The following RUNX2 variants were observed in gnomAD, a reference collection of about 807,000 sequenced individuals.
RUNX2 encodes the protein runt-related transcription factor 2.
RUNX2 carries 10 observed loss-of-function variants against 51.7 expected under a neutral mutation model. That is an observed-to-expected ratio of 0.19 (90% confidence interval 0.12 to 0.33). RUNX2 has a LOEUF of 0.33. Among genes scored for constraint, RUNX2 ranks in the 10% least tolerant of loss-of-function variants. The pLI is 1.00. For missense variants in RUNX2, 562 were observed against 691.3 expected (o/e 0.81, Z 2.10); for synonymous variants, 276 against 273.6 (o/e 1.01, Z -0.09).
At chr6:45,452,152 T>C (rs1054659262) in intron 5 of RUNX2, among the ~76,000 whole-genome samples, 1 of 152,258 alleles carries the variant, frequency 6.6e-6, no homozygotes, top group Non-Finnish European at 1.5e-5. Flanking sequence ...GGGGGCTTTA[T>C]GAAATTGATT....
chr6:45,468,300 T>TC (rs1799697282), intron 5 of RUNX2, among the ~76,000 whole-genome samples: 1 of 152,208 alleles, frequency 6.6e-6, no homozygotes, highest in Non-Finnish European at 1.5e-5. Flanking sequence ...GCCATTACCA[T>TC]AGTATAAAAG....
At position 45,548,891 on chromosome 6, in the gene RUNX2, A is replaced by G. The variant is rs1417220659; in HGVS notation, c.*1586A>G. On this transcript the variant is annotated 3_prime_UTR_variant, in exon 9 of 9. Coordinates refer to ENST00000647337, the MANE Select transcript of RUNX2 (RefSeq NM_001024630.4). The stretch of plus-strand genomic sequence containing the variant: ...ACAGAATTTGCATTTAGAGGAGCAG[A>G]ATGACATCACTGTCCTTTGGGAGTA... The G allele has an allele frequency of 5.5e-6, 2 of 361,106 alleles. No individual in the cohort carries two copies. The highest frequency in any genetic ancestry group is 4.2e-5 in the African/African-American group (2 of 47,846). The allele number at this position is 361,106 out of a possible 1,614,324, so 22.4% of individuals were successfully genotyped here.
intron 7 of RUNX2, among the ~76,000 whole-genome samples, chr6:45,518,677 G>A (rs1801408136): frequency 6.6e-6 from 1 of 152,138 alleles, no homozygotes; most frequent in African/African-American, 2.4e-5. Flanking sequence ...TTTTTGTGGG[G>A]ATTTATTTCT....
chr6:45,524,901 A>G (rs893395967), intron 7 of RUNX2, among the ~76,000 whole-genome samples: 3 of 152,184 alleles, frequency 2.0e-5, no homozygotes, highest in African/African-American at 7.2e-5. Flanking sequence ...TCACAAGGTC[A>G]AGAGATTGAG....
chr6:45,386,989 G>A (rs1328911062), intron 2 of RUNX2, among the ~76,000 whole-genome samples: 1 of 152,174 alleles, frequency 6.6e-6, no homozygotes, highest in Non-Finnish European at 1.5e-5. Context: ...TGAAAAACTG[G>A]AAGGAGCTAA....
chr6:45,480,259 A>C (rs1350609330), intron 5 of RUNX2, among the ~76,000 whole-genome samples: 1 of 152,212 alleles, frequency 6.6e-6, no homozygotes, highest in Non-Finnish European at 1.5e-5. Context: ...AACTTGTAAA[A>C]ACAGTTTTAT....
chr6:45,550,212 C>T lies in RUNX2; in HGVS notation c.*2907C>T, dbSNP rs1802524715. On this transcript the variant is annotated 3_prime_UTR_variant, in exon 9 of 9. Transcript: ENST00000647337. ...ACATTTTTATCCATTTCAGTTGTCT[C>T]ACAAATTTTAACCCATATCAGAGTT... 6.6e-6 allele frequency: 1 copy of T among 152,592 alleles called. No individual in the cohort carries two copies. Among genetic ancestry groups the T allele is most frequent in the Non-Finnish European group, 1.5e-5 (1 of 68,028 alleles). The allele number at this position is 152,592 out of a possible 1,614,324, so 9.5% of individuals were successfully genotyped here.
rs535459053 is a variant in RUNX2, at chr6:45,419,159, T to G, written c.59-3434T>G. Among the ~76,000 whole-genome samples, 14 of 152,312 alleles carry G rather than the reference T, an allele frequency of 9.2e-5. No individual in the cohort carries two copies. The East Asian group carries it at 2.7e-3, about 29-fold the overall frequency. The stretch of plus-strand genomic sequence containing the variant: ...GAAAGCCCCTCTGGTGGTCCATATT[T>G]GAAATATTAATTGTTTCTTATTGTC... On this transcript the variant is annotated intron_variant, in intron 2 of 8. Coordinates refer to ENST00000647337, the MANE Select transcript of RUNX2 (RefSeq NM_001024630.4).
chr6:45,412,807 C>G (rs892186143), intron 2 of RUNX2, among the ~76,000 whole-genome samples: 2 of 152,050 alleles, frequency 1.3e-5, no homozygotes, highest in Non-Finnish European at 2.9e-5. Context: ...TGCAGTGGCA[C>G]AATCTCGGCT....
At chr6:45,342,645 G>T (rs1174599001) in intron 2 of RUNX2, among the ~76,000 whole-genome samples, 2 of 152,068 alleles carry the variant, frequency 1.3e-5, no homozygotes, top group Admixed American at 1.3e-4. Flanking sequence ...TTACACAGTA[G>T]CAGGATTTTG....
intron 5 of RUNX2, among the ~76,000 whole-genome samples, chr6:45,468,925 A>C (rs1799717591): frequency 2.0e-5 from 3 of 152,358 alleles, no homozygotes; most frequent in African/African-American, 7.2e-5. Flanking sequence ...TGCTTTAGCC[A>C]AACTGCTCTC....
At chr6:45,344,495 G>A (rs12664261) in intron 2 of RUNX2, among the ~76,000 whole-genome samples, 1,988 of 151,532 alleles carry the variant, frequency 0.013, 96 homozygotes, top group East Asian at 0.13. Flanking sequence ...ATCCAGTGGA[G>A]AGCCCATATA....
rs74823188 is a variant in RUNX2, at chr6:45,491,622, G to T, written c.686-319G>T. Among the ~76,000 whole-genome samples, 403 of 93,440 alleles carry T rather than the reference G, an allele frequency of 4.3e-3. 1 individual carries two copies. Among genetic ancestry groups the T allele is most frequent in the Admixed American group, 9.3e-3 (74 of 7,984 alleles). The allele number at this position is 93,440 out of a possible 152,430, so 61.3% of individuals were successfully genotyped here. On this transcript the variant is annotated intron_variant, in intron 5 of 8. Transcript: ENST00000647337. ...CCCCCAATACACATCTCTCCTGTTT[G>T]TTTTTTTTTTTTTTTTTTTTTTTAC...
intron 5 of RUNX2, among the ~76,000 whole-genome samples, chr6:45,453,205 G>T (rs1305825156): frequency 6.6e-6 from 1 of 152,208 alleles, no homozygotes; most frequent in Non-Finnish European, 1.5e-5. Flanking sequence ...AAGGGGATTA[G>T]TGGCCCTCCT....
At chr6:45,372,969 C>T (rs1157102422) in intron 2 of RUNX2, among the ~76,000 whole-genome samples, 5 of 152,168 alleles carry the variant, frequency 3.3e-5, no homozygotes, top group Non-Finnish European at 5.9e-5. Context: ...CCAAGACACG[C>T]GGCTAATTTT....
intron 5 of RUNX2, among the ~76,000 whole-genome samples, chr6:45,460,877 T>C (rs1015042014): frequency 5.3e-5 from 8 of 152,204 alleles, no homozygotes; most frequent in Non-Finnish European, 8.8e-5. Flanking sequence ...ATAATGGTTA[T>C]TTTAGAGGAT....
chr6:45,507,749 C>CT (rs1314019208), intron 6 of RUNX2, among the ~76,000 whole-genome samples: 1 of 152,174 alleles, frequency 6.6e-6, no homozygotes, highest in Non-Finnish European at 1.5e-5. Context: ...ATCAACGTGA[C>CT]TAACACGGAC....
At chr6:45,344,392 T>C (rs1034858057) in intron 2 of RUNX2, among the ~76,000 whole-genome samples, 1 of 152,166 alleles carries the variant, frequency 6.6e-6, no homozygotes, top group South Asian at 2.1e-4. Flanking sequence ...CAATGTACTT[T>C]GTTGCCCATT....
intron 2 of RUNX2, among the ~76,000 whole-genome samples, chr6:45,401,811 C>A (rs980677453): frequency 7.2e-5 from 11 of 152,370 alleles, no homozygotes; most frequent in African/African-American, 2.6e-4. Flanking sequence ...TCTCCTACCC[C>A]AGCTGCAGCC....
Sources: allele counts gnomAD v4.1 joint callset (sites outside exome capture counted in the v4.1 genomes callset), GRCh38; gene constraint gnomAD v4.1.1; transcripts MANE v1.5; gene names NCBI Gene and HGNC (gene_info 2026-07-23, HGNC 2026-07-21).